Variants in CDK14 observed in about 807,000 individuals in gnomAD.
CDK14 encodes the protein cyclin dependent kinase 14.
Under a neutral mutation model 60.7 loss-of-function variants are expected in CDK14, and 34 were observed. That is an observed-to-expected ratio of 0.56 (90% CI 0.43 to 0.75). The LOEUF (loss-of-function observed/expected upper bound fraction) is 0.75, where lower values mean the gene tolerates loss of function less well. CDK14 is among the 30% of genes least tolerant of loss of function. The pLI is 0.00. For missense variants in CDK14, 482 were observed against 564.1 expected, an observed-to-expected ratio of 0.85 and a Z score of 1.47; for synonymous variants, 197 against 203.7, an observed-to-expected ratio of 0.97 and a Z score of 0.28.
intron 7 of CDK14, among the ~76,000 whole-genome samples, chr7:90,908,962 G>A (rs575242920): frequency 3.9e-5 from 6 of 152,004 alleles, no homozygotes; most frequent in Admixed American, 6.6e-5. Flanking sequence ...AGTTATACTA[G>A]CCTTCTCAGT....
intron 4 of CDK14, among the ~76,000 whole-genome samples, chr7:90,756,994 A>G (rs999455667): frequency 6.6e-6 from 1 of 152,180 alleles, no homozygotes; most frequent in Non-Finnish European, 1.5e-5. Context: ...AATGTCCCAC[A>G]ATCTGGGTGG....
chr7:90,669,547 A>G (rs1801056795), intron 2 of CDK14, among the ~76,000 whole-genome samples: 1 of 143,506 alleles, frequency 7.0e-6, no homozygotes, highest in African/African-American at 2.6e-5. Flanking sequence ...CTGCCTTACC[A>G]CCAGAAAGTG....
At chr7:91,045,818 T>A in intron 10 of CDK14, 79 bp from the exon 11 acceptor site, 1 of 862,634 alleles carries the variant, frequency 1.2e-6, no homozygotes, top group South Asian at 1.4e-5. Flanking sequence ...ATATGTAGTG[T>A]ACTATTTTTC....
chr7:91,163,578 T>C (rs571217820), intron 14 of CDK14, among the ~76,000 whole-genome samples: 1 of 152,322 alleles, frequency 6.6e-6, no homozygotes, highest in East Asian at 1.9e-4. Flanking sequence ...CTAATTGACA[T>C]ATCCATCACC....
chr7:91,056,564 C>T (rs1265284384), intron 11 of CDK14, among the ~76,000 whole-genome samples: 4 of 151,722 alleles, frequency 2.6e-5, no homozygotes, highest in South Asian at 2.1e-4. Context: ...CCGCCTCCCC[C>T]CACCCCACAA....
chr7:90,875,687 A>G (rs1483229850), intron 6 of CDK14, among the ~76,000 whole-genome samples: 1 of 151,386 alleles, frequency 6.6e-6, no homozygotes, highest in Non-Finnish European at 1.5e-5. Context: ...TCCTTTCTCT[A>G]TTTTTAGATA....
intron 12 of CDK14, among the ~76,000 whole-genome samples, chr7:91,095,972 A>G (rs1257933700): frequency 6.8e-6 from 1 of 146,540 alleles, no homozygotes; most frequent in African/African-American, 2.5e-5. Flanking sequence ...TGGTTGTACA[A>G]TATTATGAAT....
intron 10 of CDK14, among the ~76,000 whole-genome samples, chr7:91,009,851 A>G (rs1796098380): frequency 6.6e-6 from 1 of 152,138 alleles, no homozygotes; most frequent in Non-Finnish European, 1.5e-5. Flanking sequence ...AGAAATCTTG[A>G]TCTACCCCAT....
intron 1 of CDK14, among the ~76,000 whole-genome samples, chr7:90,596,967 C>T (rs567594609): frequency 5.9e-4 from 90 of 152,262 alleles, no homozygotes; most frequent in African/African-American, 2.1e-3. Flanking sequence ...TTCTCCCCTC[C>T]TCCGCCACTA....
intron 4 of CDK14, among the ~76,000 whole-genome samples, chr7:90,785,296 G>T (rs1480950336): frequency 6.6e-6 from 1 of 152,112 alleles, no homozygotes; most frequent in African/African-American, 2.4e-5. Flanking sequence ...TTGTAATTTT[G>T]TTTTCTTGTG....
chr7:90,699,534 C>T (rs917004134), intron 2 of CDK14, among the ~76,000 whole-genome samples: 14 of 152,200 alleles, frequency 9.2e-5, no homozygotes, highest in African/African-American at 3.4e-4. Flanking sequence ...TTACATTATT[C>T]TTAATCTAGC....
At chr7:90,630,622 A>G (rs1031186050) in intron 2 of CDK14, among the ~76,000 whole-genome samples, 5 of 152,150 alleles carry the variant, frequency 3.3e-5, no homozygotes, top group Admixed American at 3.3e-4. Flanking sequence ...AGTAGCAGTG[A>G]TGTTTGTGGT....
In CDK14 at chr7:90,883,773, G is replaced by T. The variant is rs190862616; in HGVS notation, c.640-15518G>T. Among the ~76,000 whole-genome samples the T allele has an allele frequency of 2.3e-4, 35 of 152,268 alleles. 1 individual carries two copies. Among genetic ancestry groups the T allele is most frequent in the African/African-American group, 7.7e-4 (32 of 41,536 alleles). ...GTTGGCTTCATCCCTGGGATGCAAG[G>T]CTGGCTTAACATATGCAAATCAATA... On this transcript the variant is annotated intron_variant, in intron 6 of 14. Transcript: ENST00000380050.
chr7:91,054,033 A>G (rs1275789250), intron 11 of CDK14, among the ~76,000 whole-genome samples: 1 of 151,756 alleles, frequency 6.6e-6, no homozygotes, highest in Non-Finnish European at 1.5e-5. Flanking sequence ...GAGCTAGCTG[A>G]CATAATTGAT....
intron 14 of CDK14, among the ~76,000 whole-genome samples, chr7:91,197,464 C>T (rs2115975127): frequency 6.6e-6 from 1 of 151,938 alleles, no homozygotes; most frequent in South Asian, 2.1e-4. Flanking sequence ...CAGCTGGTCA[C>T]CCTAGTTCCT....
At chr7:91,100,219 A>C (rs1022643197) in intron 12 of CDK14, among the ~76,000 whole-genome samples, 3 of 152,194 alleles carry the variant, frequency 2.0e-5, no homozygotes, top group African/African-American at 7.2e-5. Flanking sequence ...GAAGTTTTTA[A>C]TTATGCTATT....
intron 12 of CDK14, among the ~76,000 whole-genome samples, chr7:91,102,168 C>T (rs1355848259): frequency 6.6e-6 from 1 of 152,104 alleles, no homozygotes. Context: ...TTGAAGGGAT[C>T]CAGGCTCTGT....
intron 10 of CDK14, among the ~76,000 whole-genome samples, chr7:91,013,877 G>A (rs939982398): frequency 3.9e-5 from 6 of 151,924 alleles, no homozygotes; most frequent in African/African-American, 1.5e-4. Context: ...TTTCAACCCT[G>A]CATGAGTCTG....
rs116192882 is a variant in CDK14 at position 90,876,203 on chromosome 7, C to T, written c.639+12934C>T. ...TTGAGAAACCCTCAATGCCAGTATC[C>T]GTCTTTCCTGTGATGCTATGAGATT... On this transcript the variant is annotated intron_variant, in intron 6 of 14. Transcript: ENST00000380050. Among the ~76,000 whole-genome samples the T allele has an allele frequency of 7.0e-3, 1,073 of 152,220 alleles. 20 individuals carry two copies. The highest frequency in any genetic ancestry group is 0.024 in the African/African-American group (1,004 of 41,542).
Sources: gnomAD v4.1 joint callset for allele counts (sites outside exome capture counted in the v4.1 genomes callset) on GRCh38, gnomAD v4.1.1 for gene constraint, MANE v1.5 for transcripts, NCBI Gene and HGNC (gene_info 2026-07-23, HGNC 2026-07-21) for gene names.